The following CNTNAP5 variants were observed in gnomAD, a reference collection of about 807,000 sequenced individuals.
CNTNAP5 encodes contactin-associated protein-like 5.
A neutral mutation model predicts 150.2 loss-of-function variants in CNTNAP5; 72 were observed. That is an observed-to-expected ratio of 0.48 (90% CI 0.40 to 0.58). The LOEUF is 0.58. Among genes scored for constraint, CNTNAP5 ranks in the 20% least tolerant of loss-of-function variants. The pLI is 0.00. For missense variants in CNTNAP5, 1,636 were observed against 1,626.2 expected (o/e 1.01, Z -0.10); for synonymous variants, 672 against 619.8 (o/e 1.08, Z -1.25).
chr2:124,706,796 AGGAG>A (rs1679657049), intron 13 of CNTNAP5, among the ~76,000 whole-genome samples: 2 of 10,012 alleles, frequency 2.0e-4, no homozygotes, highest in Admixed American at 1.2e-3. Flanking sequence ...AAGAAGAAGA[AGGAG>A]GAGGAGGAGG....
chr2:124,031,214 A>G (rs76691475), intron 1 of CNTNAP5, among the ~76,000 whole-genome samples: 1 of 152,020 alleles, frequency 6.6e-6, no homozygotes, highest in Non-Finnish European at 1.5e-5. Flanking sequence ...TTACATTTCC[A>G]TAGTATTAAC....
intron 8 of CNTNAP5, among the ~76,000 whole-genome samples, chr2:124,506,356 C>T (rs1694407046): frequency 1.3e-5 from 2 of 152,006 alleles, no homozygotes; most frequent in Non-Finnish European, 2.9e-5. Flanking sequence ...TGACTTTAAA[C>T]AATTGCCTGG....
chr2:124,651,621 G>T (rs1215611901), intron 13 of CNTNAP5, among the ~76,000 whole-genome samples: 1 of 152,196 alleles, frequency 6.6e-6, no homozygotes, highest in Non-Finnish European at 1.5e-5. Flanking sequence ...GAGCAAAAGT[G>T]CTATTTCTGA....
chr2:124,597,546 C>T (rs1397972220), intron 11 of CNTNAP5, among the ~76,000 whole-genome samples: 1 of 150,940 alleles, frequency 6.6e-6, no homozygotes, highest in Admixed American at 6.6e-5. Context: ...TTGAGGGTAA[C>T]CCGAACTTTT....
At chr2:124,425,110 T>G (rs1692209643) in intron 4 of CNTNAP5, among the ~76,000 whole-genome samples, 1 of 152,180 alleles carries the variant, frequency 6.6e-6, no homozygotes, top group African/African-American at 2.4e-5. Context: ...ACAATTTGTT[T>G]TGCATTTACT....
rs1678896635 is a variant in CNTNAP5, at chr2:124,674,546, T to TTTCTTC, written c.2077+26588_2077+26589insTTCTTC. Among the ~76,000 whole-genome samples, 161 of 130,290 alleles carry TTTCTTC rather than the reference T, an allele frequency of 1.2e-3. 1 individual carries two copies. The highest frequency in any genetic ancestry group is 4.5e-3 in the African/African-American group (150 of 33,118). The allele number at this position is 130,290 out of a possible 152,430, so 85.5% of individuals were successfully genotyped here. A position where few individuals can be genotyped will look rare whatever the true frequency, so the allele number is the denominator to read the frequency against. ...TTCTTTCTTTCTTTCTTTCTTTCTT[T>TTTCTTC]CTTTCTTCCTTTCTTCCTTTCTTTC... is the stretch of plus-strand genomic sequence containing the variant. On this transcript the variant is annotated intron_variant, in intron 13 of 23. Coordinates refer to ENST00000682447, the MANE Select transcript of CNTNAP5 (RefSeq NM_001367498.1).
At chr2:124,221,855 C>T (rs758042092) in intron 2 of CNTNAP5, 46 bp downstream of exon 2, 22 of 1,258,096 alleles carry the variant, frequency 1.7e-5, no homozygotes, top group African/African-American at 4.4e-5. Context: ...TAAATAATTA[C>T]GTGGTGGGTA....
At chr2:124,687,944 T>C (rs1395301639) in intron 13 of CNTNAP5, among the ~76,000 whole-genome samples, 8 of 152,260 alleles carry the variant, frequency 5.3e-5, no homozygotes, top group Admixed American at 5.2e-4. Flanking sequence ...AAGTACATTT[T>C]ACTAGTACTA....
chr2:124,579,582 A>G (rs1399830268), intron 11 of CNTNAP5, among the ~76,000 whole-genome samples: 6 of 152,214 alleles, frequency 3.9e-5, no homozygotes, highest in Non-Finnish European at 7.3e-5. Flanking sequence ...TCTTGGTATT[A>G]TCCCCCGATA....
At chr2:124,056,352 CG>C (rs1320401447) in intron 1 of CNTNAP5, among the ~76,000 whole-genome samples, 1 of 152,108 alleles carries the variant, frequency 6.6e-6, no homozygotes, top group African/African-American at 2.4e-5. Flanking sequence ...TGGCCAGGCA[CG>C]GTGGCTCACG....
chr2:124,816,392 G>A (rs755364874), intron 19 of CNTNAP5, among the ~76,000 whole-genome samples: 1 of 151,838 alleles, frequency 6.6e-6, no homozygotes, highest in Non-Finnish European at 1.5e-5. Flanking sequence ...TTTTCTTTCT[G>A]GGCTGCCATC....
chr2:124,288,231 G>C (rs1688202412), intron 3 of CNTNAP5, among the ~76,000 whole-genome samples: 1 of 152,142 alleles, frequency 6.6e-6, no homozygotes, highest in East Asian at 1.9e-4. Flanking sequence ...CACCTGGCCA[G>C]GACAGTATCT....
chr2:124,766,029 C>T (rs1197267114), intron 16 of CNTNAP5, among the ~76,000 whole-genome samples: 1 of 151,930 alleles, frequency 6.6e-6, no homozygotes, highest in African/African-American at 2.4e-5. Flanking sequence ...GACCAACAAA[C>T]GATTTGTTTG....
chr2:124,266,365 C>T (rs1242637563), intron 3 of CNTNAP5, among the ~76,000 whole-genome samples: 2 of 152,134 alleles, frequency 1.3e-5, no homozygotes, highest in African/African-American at 4.8e-5. Context: ...AAATCAACCA[C>T]ATGGCATTTA....
At chr2:124,609,740 T>C in intron 11 of CNTNAP5, 61 bp from the exon 12 acceptor site, 5 of 1,568,020 alleles carry the variant, frequency 3.2e-6, no homozygotes, top group Non-Finnish European at 4.4e-6. Flanking sequence ...AGTTACTGAT[T>C]CCTGCAAAGG....
chr2:124,546,445 C>T (rs1009914111), intron 10 of CNTNAP5, among the ~76,000 whole-genome samples: 9 of 152,044 alleles, frequency 5.9e-5, no homozygotes, highest in African/African-American at 2.2e-4. Flanking sequence ...AAGCTATGCA[C>T]AAGTTTACAA....
At chr2:124,037,111 G>A (rs1285813294) in intron 1 of CNTNAP5, among the ~76,000 whole-genome samples, 1 of 152,136 alleles carries the variant, frequency 6.6e-6, no homozygotes, top group East Asian at 1.9e-4. Flanking sequence ...ATATCTAGAA[G>A]TCACTATGTC....
intron 10 of CNTNAP5, among the ~76,000 whole-genome samples, chr2:124,530,400 C>T (rs1333689137): frequency 1.3e-5 from 2 of 152,182 alleles, no homozygotes; most frequent in Admixed American, 6.5e-5. Flanking sequence ...GAGCTCCCTC[C>T]GGTGGAGGTC....
At chr2:124,671,216 T>C (rs11681479) in intron 13 of CNTNAP5, among the ~76,000 whole-genome samples, 38,138 of 152,236 alleles carry the variant, frequency 0.25, 5,164 homozygotes, top group African/African-American at 0.36. Flanking sequence ...CTCTTCATGG[T>C]GTTAAGCTAA....
Sources: allele counts gnomAD v4.1 joint callset (sites outside exome capture counted in the v4.1 genomes callset), GRCh38; gene constraint gnomAD v4.1.1; transcripts MANE v1.5; gene names NCBI Gene and HGNC (gene_info 2026-07-23, HGNC 2026-07-21).